The following NFKBID variants were observed in gnomAD, a reference collection of about 807,000 sequenced individuals.
NFKBID encodes the protein NF-kappa-B inhibitor delta.
A neutral mutation model predicts 53.4 loss-of-function variants in NFKBID; 26 were observed. That is an observed-to-expected ratio of 0.49 (90% CI 0.36 to 0.68). NFKBID has a LOEUF of 0.68. NFKBID is among the 30% of genes least tolerant of loss of function. The pLI, the probability that NFKBID is intolerant of heterozygous loss-of-function variation, is 0.00. For synonymous variants in NFKBID, 262 were observed against 259.8 expected (o/e 1.01, Z -0.08); for missense variants, 493 against 614.1 (o/e 0.80, Z 2.08).
chr19:35,895,321 A>C (rs899554582), intron 9 of NFKBID, among the ~76,000 whole-genome samples: 7 of 95,690 alleles, frequency 7.3e-5, no homozygotes, highest in African/African-American at 5.9e-4. Context: ...ACTAAAATAC[A>C]AAAAAAAAAA....
chr19:35,894,839 C>T (rs1281356686), intron 9 of NFKBID, among the ~76,000 whole-genome samples: 1 of 151,074 alleles, frequency 6.6e-6, no homozygotes, highest in Non-Finnish European at 1.5e-5. Context: ...ACTAAAAATA[C>T]AAAATTAGCT....
upstream of NFKBID, chr19:35,901,865 C>T: frequency 5.3e-6 from 2 of 374,274 alleles, no homozygotes; most frequent in South Asian, 5.3e-5. Flanking sequence ...TGGCCTCTCC[C>T]CTGCTTTCAA....
intron 9 of NFKBID, among the ~76,000 whole-genome samples, chr19:35,894,267 A>C (rs1056927668): frequency 6.6e-6 from 1 of 151,614 alleles, no homozygotes; most frequent in Non-Finnish European, 1.5e-5. Flanking sequence ...TCAATAAATA[A>C]ATAAACATTT....
Position 35,896,949 on chromosome 19 carries a change from G to T in NFKBID, c.542C>A (p.Pro181Gln). 6.2e-7 allele frequency: 1 copy of T among 1,607,672 alleles called. No homozygotes were observed. Among genetic ancestry groups the T allele is most frequent in the Non-Finnish European group, 8.5e-7 (1 of 1,176,094 alleles). ...CTCATCCTGGGCCAGCAGCTGCTGT[G>T]GCCCCAAAGCCAGCATGTGAGCTCG... The change falls in exon 5 of 12, where the codon CCA becomes CAA. Residue 181 changes from proline (P) to glutamine (Q), a missense_variant. This residue lies in a region of NFKBID where 267 missense variants were observed against 384.6 expected (regional missense o/e 0.69). Transcript: ENST00000641389. This position sits in a 1 kb window ranked among gnomAD's most constrained non-coding sequence, Gnocchi z 5.7.
At chr19:35,889,763 G>A (rs561267427) in intron 11 of NFKBID, 127 bp downstream of exon 11, 20 of 980,470 alleles carry the variant, frequency 2.0e-5, no homozygotes, top group South Asian at 3.1e-5. Context: ...AGGGTTGCCT[G>A]AGGGCTGAAG....
At chr19:35,898,672 A>G in intron 2 of NFKBID, 47 bp downstream of exon 2, 1 of 1,500,452 alleles carries the variant, frequency 6.7e-7, no homozygotes, top group Non-Finnish European at 9.0e-7. Context: ...CTGAGTCCCT[A>G]CGGGACAGCA....
At chr19:35,888,356 C>T in exon 12 of NFKBID, 1 of 562,816 alleles carries the variant, frequency 1.8e-6, no homozygotes, top group East Asian at 3.0e-5. Context: ...CAAGAGGGCT[C>T]CTTGTGGGTA....
At position 35,896,610 on chromosome 19, in the gene NFKBID, TC is replaced by T; in HGVS notation, c.685-73del. 2.0e-6 allele frequency: 3 copies of T among 1,469,308 alleles called. No homozygotes were observed. The highest frequency in any genetic ancestry group is 1.4e-5 in the African/African-American group (1 of 69,224). The allele number at this position is 1,469,308 out of a possible 1,614,324, so 91.0% of individuals were successfully genotyped here. ...TCAGAAAACCAGGCTCCCAGCCCCA[TC>T]CCCCCTCAGCCCCAGGAGCTCACCC... is the stretch of plus-strand genomic sequence containing the variant. On this transcript the variant is annotated intron_variant, in intron 6 of 11. Transcript: ENST00000641389. The surrounding 1 kb of genome is among the most constrained non-coding windows in gnomAD (Gnocchi z 5.7).
At chr19:35,901,655 G>A (rs73032171), upstream of NFKBID, 1 of 154,136 alleles carries the variant, frequency 6.5e-6, no homozygotes, top group Non-Finnish European at 1.4e-5. Flanking sequence ...GCAAAGTGGT[G>A]AGATCTCGGC....
chr19:35,889,769 T>C, intron 11 of NFKBID, 121 bp downstream of exon 11: 1 of 1,063,916 alleles, frequency 9.4e-7, no homozygotes, highest in South Asian at 1.5e-5. Context: ...GCCTGAGGGC[T>C]GAAGTCACCT....
chr19:35,893,681 G>T (rs969695682), intron 9 of NFKBID, among the ~76,000 whole-genome samples: 1 of 152,056 alleles, frequency 6.6e-6, no homozygotes, highest in African/African-American at 2.4e-5. Context: ...TTAGCCGGGC[G>T]TGGTGGCGGG....
chr19:35,888,583 C>T (rs754100553), exon 12 of NFKBID: 1 of 1,572,384 alleles, frequency 6.4e-7, no homozygotes, highest in Non-Finnish European at 8.6e-7. Flanking sequence ...CTGGCGGCGC[C>T]ACACGGCTCC....
chr19:35,898,542 C>G lies in NFKBID; in HGVS notation c.166-10G>C, dbSNP rs369802166. 1.3e-6 allele frequency: 2 copies of G among 1,522,676 alleles called. No individual in the cohort carries two copies. 94.3% of individuals were successfully genotyped at this position (1,522,676 alleles called of 1,614,324 possible). On this transcript the variant is annotated splice_polypyrimidine_tract_variant and intron_variant, in intron 2 of 11. Transcript: ENST00000641389. ...GAGGGAGAAATTGTCCCTGTAGAGACAAAAGCAAAAAGGAACCCAGGTGAC... is the reference window on the plus strand; with the variant it reads ...GAGGGAGAAATTGTCCCTGTAGAGAGAAAAGCAAAAAGGAACCCAGGTGAC...
At chr19:35,893,898 G>C (rs1019898886) in intron 9 of NFKBID, among the ~76,000 whole-genome samples, 1 of 151,732 alleles carries the variant, frequency 6.6e-6, no homozygotes, top group Non-Finnish European at 1.5e-5. Context: ...ATTGATGTTG[G>C]ACATATGGAG....
chr19:35,889,085 T>C (rs1349840991), intron 11 of NFKBID, among the ~76,000 whole-genome samples: 2 of 148,316 alleles, frequency 1.3e-5, no homozygotes, highest in South Asian at 2.1e-4. Context: ...CCGGGAGTGA[T>C]GGTTCCTGTG....
chr19:35,897,873 G>A lies in NFKBID; in HGVS notation c.227-17C>T. 1 of 1,515,242 alleles carries A rather than the reference G, an allele frequency of 6.6e-7. No individual in the cohort carries two copies. The highest frequency in any genetic ancestry group is 8.9e-7 in the Non-Finnish European group (1 of 1,127,726). 93.9% of individuals were successfully genotyped at this position (1,515,242 alleles called of 1,614,324 possible). ...GAGGGTGGCCTGCGTGTAAGAGGAG[G>A]GGCAGGGGCAGGTCTGGTTACCAGA... On this transcript the variant is annotated splice_polypyrimidine_tract_variant and intron_variant, in intron 3 of 11. Coordinates refer to ENST00000641389, the Ensembl canonical transcript of NFKBID.
At chr19:35,900,211 C>T (rs1199059829) in intron 1 of NFKBID, among the ~76,000 whole-genome samples, 1 of 151,348 alleles carries the variant, frequency 6.6e-6, no homozygotes, top group Non-Finnish European at 1.5e-5. Flanking sequence ...CCCTCGGGGC[C>T]CTGCGATCCT....
At chr19:35,898,804 C>CTGCGCTCACCCCTGCTCACTG in exon 2 of NFKBID, 1 of 1,536,054 alleles carries the variant, frequency 6.5e-7, no homozygotes, top group Non-Finnish European at 8.7e-7. Context: ...TGGGCAGTGG[C>CTGCGCTCACCCCTGCTCACTG]TGCGCTCACC....
intron 11 of NFKBID, 119 bp from the exon 12 acceptor site, chr19:35,888,731 AAGATCAG>A: frequency 1.3e-6 from 1 of 741,582 alleles, no homozygotes; most frequent in East Asian, 2.7e-5. Context: ...TTTGGATTTG[AAGATCAG>A]AGGTCCAGAG....
Sources: allele counts gnomAD v4.1 joint callset (sites outside exome capture counted in the v4.1 genomes callset), GRCh38; gene constraint gnomAD v4.1.1; regional missense constraint gnomAD v4.1.1; non-coding constraint Gnocchi (gnomAD v3.1); transcripts MANE v1.5; gene names NCBI Gene and HGNC (gene_info 2026-07-23, HGNC 2026-07-21).